Variants in IQCH observed in about 807,000 individuals in gnomAD.
The protein encoded by IQCH is IQ motif containing H.
Under a neutral mutation model 117.0 loss-of-function variants are expected in IQCH, and 98 were observed. The ratio of observed to expected loss-of-function variants is 0.84; its 90% CI spans 0.71 to 0.99. The LOEUF is 0.99. Ranked by LOEUF, IQCH falls within the 50% of genes least tolerant of loss-of-function variation. The pLI is 0.00. For missense variants in IQCH, 1,102 were observed against 1,243.8 expected (o/e 0.89, Z 1.72); for synonymous variants, 412 against 448.2 (o/e 0.92, Z 1.02).
intron 10 of IQCH, among the ~76,000 whole-genome samples, chr15:67,378,906 A>T (rs1233774144): frequency 6.6e-6 from 1 of 152,170 alleles, no homozygotes; most frequent in African/African-American, 2.4e-5. Flanking sequence ...ATTATTGAAG[A>T]CCGTAAAGAA....
intron 4 of IQCH, among the ~76,000 whole-genome samples, chr15:67,285,970 A>T (rs1966546758): frequency 6.6e-6 from 1 of 152,170 alleles, no homozygotes; most frequent in Non-Finnish European, 1.5e-5. Flanking sequence ...TAATTTTATG[A>T]AGAATGTCAT....
At chr15:67,265,465 T>C (rs771542411) in intron 3 of IQCH, among the ~76,000 whole-genome samples, 6 of 152,152 alleles carry the variant, frequency 3.9e-5, no homozygotes, top group Non-Finnish European at 7.4e-5. Context: ...CCTATAAACC[T>C]GGAGGAGTGG....
At position 67,491,196 on chromosome 15, in the gene IQCH, T is replaced by A. The variant is rs1020121495; in HGVS notation, c.2861+1132T>A. Among the ~76,000 whole-genome samples the A allele has an allele frequency of 6.6e-6, 1 of 151,802 alleles. No homozygotes were observed. Among genetic ancestry groups the A allele is most frequent in the African/African-American group, 2.4e-5 (1 of 41,302 alleles). ...TTCCTATGTGGCCTCAGTCCCTCCC[T>A]CCCCAACCTCCCCTACACCCTACTA... is the stretch of plus-strand genomic sequence containing the variant. On this transcript the variant is annotated intron_variant, in intron 19 of 20. Transcript: ENST00000335894. The surrounding 1 kb of genome is among the most constrained non-coding windows in gnomAD (Gnocchi z 4.9).
chr15:67,454,221 T>G lies in IQCH; in HGVS notation c.2506-10906T>G, dbSNP rs914625744. 6.6e-6 allele frequency among the ~76,000 whole-genome samples: 1 copy of G among 152,160 alleles called. No homozygotes were observed. The highest frequency in any genetic ancestry group is 1.5e-5 in the Non-Finnish European group (1 of 68,030). ...GCCCTGCTTTGGCTCATGCATGGTG[T>G]GCTGCACCCACCATCCTGCGCCTAC... On this transcript the variant is annotated intron_variant, in intron 16 of 20. Coordinates refer to ENST00000335894, the MANE Select transcript of IQCH (RefSeq NM_001031715.3). The surrounding 1 kb of genome is among the most constrained non-coding windows in gnomAD (Gnocchi z 5.2).
chr15:67,256,914 A>G (rs73487151), intron 1 of IQCH, among the ~76,000 whole-genome samples: 2,869 of 152,298 alleles, frequency 0.019, 115 homozygotes, highest in African/African-American at 0.065. Context: ...CATGTAGAAT[A>G]TGTATAGTGA....
rs562294831 is a variant in IQCH, at chr15:67,457,997, C to A, written c.2506-7130C>A. On this transcript the variant is annotated intron_variant, in intron 16 of 20. Coordinates refer to ENST00000335894, the MANE Select transcript of IQCH (RefSeq NM_001031715.3). The surrounding 1 kb of genome is among the most constrained non-coding windows in gnomAD (Gnocchi z 5.7). ...CAGGTCCTATAGACCTCACTTCTCA[C>A]CAATCCAGGAGAATCTTGAGCCCCA... Among the ~76,000 whole-genome samples, 19 of 152,310 alleles carry A rather than the reference C, an allele frequency of 1.2e-4. No homozygotes were observed. Among genetic ancestry groups the A allele is most frequent in the African/African-American group, 4.6e-4 (19 of 41,568 alleles).
At position 67,443,150 on chromosome 15, in the gene IQCH, G is replaced by A. The variant is rs143073716; in HGVS notation, c.2505+21573G>A. ...TGGGACTACAGGCGCCCGCCACAGC[G>A]CCCGGCTAATTTTTTGTATTTTTAG... On this transcript the variant is annotated intron_variant, in intron 16 of 20. Coordinates refer to ENST00000335894, the MANE Select transcript of IQCH (RefSeq NM_001031715.3). This position sits in a 1 kb window ranked among gnomAD's most constrained non-coding sequence, Gnocchi z 5.0. Among the ~76,000 whole-genome samples, 1 of 151,822 alleles carries A rather than the reference G, an allele frequency of 6.6e-6. No homozygotes were observed. The highest frequency in any genetic ancestry group is 1.5e-5 in the Non-Finnish European group (1 of 67,952).
chr15:67,473,132 TA>T lies in IQCH; in HGVS notation c.2677-2562del, dbSNP rs1457027355. On this transcript the variant is annotated intron_variant, in intron 17 of 20. Coordinates refer to ENST00000335894, the MANE Select transcript of IQCH (RefSeq NM_001031715.3). This position sits in a 1 kb window ranked among gnomAD's most constrained non-coding sequence, Gnocchi z 4.9. ...ATCAGACAAGTTTAGAAGACAAAAATAACCTTGGAATTATCTTGTGAATTCA... is the reference window on the plus strand; with the variant it reads ...ATCAGACAAGTTTAGAAGACAAAAATACCTTGGAATTATCTTGTGAATTCA... Among the ~76,000 whole-genome samples the T allele has an allele frequency of 6.6e-6, 1 of 152,204 alleles. No homozygotes were observed. The highest frequency in any genetic ancestry group is 1.5e-5 in the Non-Finnish European group (1 of 68,036).
chr15:67,338,818 G>A (rs552825129), intron 5 of IQCH, among the ~76,000 whole-genome samples: 1 of 152,208 alleles, frequency 6.6e-6, no homozygotes, highest in African/African-American at 2.4e-5. Context: ...TATGAACAAG[G>A]TGTGCTTGAT....
At chr15:67,484,690 G>A (rs549566516) in intron 18 of IQCH, among the ~76,000 whole-genome samples, 10 of 151,520 alleles carry the variant, frequency 6.6e-5, no homozygotes, top group Admixed American at 1.3e-4. Context: ...GCAGTGAGCC[G>A]AGATCATGCC....
Position 67,500,505 on chromosome 15 carries a change from T to C in IQCH, c.2971-128T>C, listed in dbSNP as rs570669569. 7 of 437,576 alleles carry C rather than the reference T, an allele frequency of 1.6e-5. No homozygotes were observed. In the Admixed American group the frequency reaches 2.5e-4, roughly 16 times the overall value. 27.1% of individuals were successfully genotyped at this position (437,576 alleles called of 1,614,324 possible). A position where few individuals can be genotyped will look rare whatever the true frequency, so the allele number is the denominator to read the frequency against. Reference sequence around the variant, plus strand: ...TGGTAAGCCATAATCTGTAGACAAATGCCAGTTGGTAGAATACATTCTGAA... The same window carrying C: ...TGGTAAGCCATAATCTGTAGACAAACGCCAGTTGGTAGAATACATTCTGAA... On this transcript the variant is annotated intron_variant, in intron 20 of 20. Transcript: ENST00000335894. The surrounding 1 kb of genome is among the most constrained non-coding windows in gnomAD (Gnocchi z 4.4).
At chr15:67,409,013 A>C (rs2081375223) in intron 14 of IQCH, among the ~76,000 whole-genome samples, 2 of 152,224 alleles carry the variant, frequency 1.3e-5, no homozygotes, top group African/African-American at 4.8e-5. Flanking sequence ...TGCTGCTGTA[A>C]CTACTTTTTA....
Position 67,421,253 on chromosome 15 carries a change from C to G in IQCH, c.2219-38C>G, listed in dbSNP as rs1206886240. 3.8e-6 allele frequency: 6 copies of G among 1,565,538 alleles called. No individual in the cohort carries two copies. In the Admixed American group the frequency reaches 1.0e-4, roughly 27 times the overall value. On this transcript the variant is annotated intron_variant, in intron 15 of 20. Transcript: ENST00000335894. ...ATCTGAGCCCAAGTCAAACAAAATGCATGTGTCCTTTCACCTACTCCATGT... is the reference window on the plus strand; with the variant it reads ...ATCTGAGCCCAAGTCAAACAAAATGGATGTGTCCTTTCACCTACTCCATGT...
At chr15:67,488,366 G>A (rs371757995) in intron 18 of IQCH, among the ~76,000 whole-genome samples, 3 of 152,202 alleles carry the variant, frequency 2.0e-5, no homozygotes, top group South Asian at 2.1e-4. Context: ...ATATTATAAC[G>A]GGTTCAAAAG....
intron 1 of IQCH, among the ~76,000 whole-genome samples, chr15:67,259,952 A>T (rs1311007612): frequency 6.6e-6 from 1 of 152,248 alleles, no homozygotes; most frequent in Admixed American, 6.5e-5. Flanking sequence ...TGTCTGCCAG[A>T]CTGTGATGCC....
rs549062478 is a variant in IQCH, at chr15:67,371,548, C to T, written c.754-563C>T. 5.8e-5 allele frequency: 83 copies of T among 1,428,220 alleles called. No individual in the cohort carries two copies. In the East Asian group the frequency reaches 1.9e-3, roughly 33 times the overall value. The allele number at this position is 1,428,220 out of a possible 1,614,324, so 88.5% of individuals were successfully genotyped here. A position where few individuals can be genotyped will look rare whatever the true frequency, so the allele number is the denominator to read the frequency against. On this transcript the variant is annotated intron_variant, in intron 8 of 20. Transcript: ENST00000335894. ...GAATGACAAAGGTGATAACATATAA[C>T]ATAATGTTCCTTGTAAAAATGACCT...
At chr15:67,335,413 T>G (rs1254015792) in intron 4 of IQCH, among the ~76,000 whole-genome samples, 1 of 152,234 alleles carries the variant, frequency 6.6e-6, no homozygotes, top group Non-Finnish European at 1.5e-5. Context: ...CAGTTTTATT[T>G]AAGTTGAATC....
At chr15:67,325,344 A>G (rs922880287) in intron 4 of IQCH, among the ~76,000 whole-genome samples, 1 of 152,160 alleles carries the variant, frequency 6.6e-6, no homozygotes, top group Non-Finnish European at 1.5e-5. Context: ...TAAAATATGT[A>G]TAACACATAT....
intron 18 of IQCH, among the ~76,000 whole-genome samples, chr15:67,477,044 CTTTTTTTT>C (rs71455553): frequency 8.4e-5 from 6 of 71,176 alleles, no homozygotes; most frequent in Admixed American, 8.2e-4. Context: ...TCTTTTTCTT[CTTTTTTTT>C]TTTTTTTTTT....
Sources: gnomAD v4.1 joint callset for allele counts (sites outside exome capture counted in the v4.1 genomes callset) on GRCh38, gnomAD v4.1.1 for gene constraint, Gnocchi (gnomAD v3.1) non-coding constraint, MANE v1.5 for transcripts, NCBI Gene and HGNC (gene_info 2026-07-23, HGNC 2026-07-21) for gene names.